Variants in PLEKHA5 observed in about 807,000 individuals in gnomAD.
The protein encoded by PLEKHA5 is pleckstrin homology domain containing A5, also known as pleckstrin homology domain-containing family A member 5.
PLEKHA5 carries 55 observed loss-of-function variants against 181.9 expected under a neutral mutation model. That is an observed-to-expected ratio of 0.30 (90% CI 0.24 to 0.38). PLEKHA5 has a LOEUF of 0.38. Among genes scored for constraint, PLEKHA5 ranks in the 10% least tolerant of loss-of-function variants. PLEKHA5 has a pLI of 1.00. For synonymous variants in PLEKHA5, 535 were observed against 529.4 expected, an observed-to-expected ratio of 1.01 and a Z score of -0.15; for missense variants, 1,432 against 1,549.5, an observed-to-expected ratio of 0.92 and a Z score of 1.27.
intron 31 of PLEKHA5, chr12:19,372,245 C>A (rs777807763): frequency 6.6e-6 from 1 of 152,230 alleles, no homozygotes; most frequent in Non-Finnish European, 1.5e-5. Flanking sequence ...ATGATCCGCC[C>A]ACCTCGGCCT....
At chr12:19,281,071 T>C (rs2076017867) in intron 11 of PLEKHA5, among the ~76,000 whole-genome samples, 1 of 151,880 alleles carries the variant, frequency 6.6e-6, no homozygotes, top group African/African-American at 2.4e-5. Context: ...AAGTTACGTT[T>C]GGGAAAAATA....
intron 8 of PLEKHA5, among the ~76,000 whole-genome samples, chr12:19,266,483 CA>C (rs1165789647): frequency 6.6e-6 from 1 of 150,674 alleles, no homozygotes; most frequent in East Asian, 1.9e-4. Context: ...GACCCTGTCT[CA>C]AAAAAAAATT....
chr12:19,175,496 A>T (rs1299043478), intron 3 of PLEKHA5, among the ~76,000 whole-genome samples: 1 of 152,228 alleles, frequency 6.6e-6, no homozygotes, highest in African/African-American at 2.4e-5. Context: ...AGCATGTTAT[A>T]TACTAATAAA....
At chr12:19,222,294 A>G (rs1447362765) in intron 3 of PLEKHA5, among the ~76,000 whole-genome samples, 1 of 152,104 alleles carries the variant, frequency 6.6e-6, no homozygotes, top group Non-Finnish European at 1.5e-5. Flanking sequence ...AGGAATATTT[A>G]TGTTCATTTC....
At chr12:19,301,581 G>T (rs541054338) in intron 15 of PLEKHA5, among the ~76,000 whole-genome samples, 32 of 152,224 alleles carry the variant, frequency 2.1e-4, no homozygotes, top group African/African-American at 7.5e-4. Flanking sequence ...GGCCTTCAAA[G>T]TTTGCTTTCA....
chr12:19,306,638 A>G (rs2083800315), intron 15 of PLEKHA5: 9 of 1,178,452 alleles, frequency 7.6e-6, no homozygotes, highest in Non-Finnish European at 1.1e-5. Flanking sequence ...AGGCGGCGGC[A>G]TCGAGGTAAT....
intron 3 of PLEKHA5, among the ~76,000 whole-genome samples, chr12:19,173,721 T>A (rs2046546019): frequency 6.6e-6 from 1 of 152,212 alleles, no homozygotes. Context: ...GCTTAAGGTG[T>A]CATGTTTGAT....
intron 3 of PLEKHA5, among the ~76,000 whole-genome samples, chr12:19,229,576 C>CA (rs759855340): frequency 3.3e-5 from 5 of 152,114 alleles, no homozygotes; most frequent in African/African-American, 7.2e-5. Flanking sequence ...AGTGAAGCTA[C>CA]AGACCTTCGC....
chr12:19,264,882 T>G (rs1427996998), intron 7 of PLEKHA5, among the ~76,000 whole-genome samples: 1 of 152,254 alleles, frequency 6.6e-6, no homozygotes, highest in African/African-American at 2.4e-5. Flanking sequence ...CACCGCTTTA[T>G]TAACTTGTCT....
intron 21 of PLEKHA5, among the ~76,000 whole-genome samples, chr12:19,340,514 G>A (rs1464872216): frequency 2.7e-5 from 4 of 148,298 alleles, no homozygotes; most frequent in Non-Finnish European, 6.0e-5. Flanking sequence ...ATAGAAAGGG[G>A]GGAAAGGTGG....
chr12:19,191,253 CAG>C (rs1374773849), intron 3 of PLEKHA5, among the ~76,000 whole-genome samples: 2 of 152,178 alleles, frequency 1.3e-5, no homozygotes, highest in African/African-American at 4.8e-5. Flanking sequence ...CCCTGTGAAA[CAG>C]TGAGATTTAC....
At chr12:19,170,873 ACT>A (rs1253367821) in intron 3 of PLEKHA5, among the ~76,000 whole-genome samples, 1 of 152,240 alleles carries the variant, frequency 6.6e-6, no homozygotes, top group South Asian at 2.1e-4. Flanking sequence ...TGGGAGGATG[ACT>A]GTGCCACAGA....
At chr12:19,178,123 GA>G (rs2047729558) in intron 3 of PLEKHA5, among the ~76,000 whole-genome samples, 1 of 152,148 alleles carries the variant, frequency 6.6e-6, no homozygotes, top group African/African-American at 2.4e-5. Context: ...CCACGTTTCA[GA>G]AATCTCCTTG....
intron 16 of PLEKHA5, among the ~76,000 whole-genome samples, chr12:19,318,809 T>G (rs979698170): frequency 6.6e-6 from 1 of 152,216 alleles, no homozygotes; most frequent in African/African-American, 2.4e-5. Context: ...TAATCCCAGC[T>G]ACTCTGGAGG....
chr12:19,262,541 G>T (rs1054506875), intron 7 of PLEKHA5, among the ~76,000 whole-genome samples: 10 of 152,056 alleles, frequency 6.6e-5, no homozygotes, highest in African/African-American at 1.7e-4. Flanking sequence ...GCCCAGCCAA[G>T]AATTTATTGA....
At chr12:19,341,735 CT>C (rs200584042) in intron 21 of PLEKHA5, among the ~76,000 whole-genome samples, 9 of 148,924 alleles carry the variant, frequency 6.0e-5, no homozygotes, top group Non-Finnish European at 8.9e-5. Context: ...AAACATATTG[CT>C]TTTTTTTTCC....
At chr12:19,283,211 G>A (rs939636275) in intron 11 of PLEKHA5, 69 bp from the exon 12 acceptor site, 22 of 631,852 alleles carry the variant, frequency 3.5e-5, no homozygotes, top group Non-Finnish European at 5.6e-5. Flanking sequence ...CAAAAGAAAT[G>A]TACTCTAATT....
At chr12:19,129,988 C>T (rs1308514375) in intron 1 of PLEKHA5, 63 bp from the exon 2 acceptor site, 10 of 1,460,598 alleles carry the variant, frequency 6.8e-6, no homozygotes, top group Middle Eastern at 1.8e-4. Context: ...CTCCTGCAGC[C>T]CCTCGGCTCG....
chr12:19,343,061 G>A (rs2094059783), intron 21 of PLEKHA5, among the ~76,000 whole-genome samples: 1 of 152,052 alleles, frequency 6.6e-6, no homozygotes, highest in Non-Finnish European at 1.5e-5. Context: ...CATAAATAAT[G>A]TAAGACAAAG....
Sources: allele counts gnomAD v4.1 joint callset (sites outside exome capture counted in the v4.1 genomes callset), GRCh38; gene constraint gnomAD v4.1.1; transcripts MANE v1.5; gene names NCBI Gene and HGNC (gene_info 2026-07-23, HGNC 2026-07-21).